CACNA2D1: variants seen among roughly 807,000 people sequenced by gnomAD.
CACNA2D1 encodes voltage-dependent calcium channel subunit alpha-2/delta-1.
A neutral mutation model predicts 171.5 loss-of-function variants in CACNA2D1; 53 were observed. The observed-to-expected ratio is 0.31, with a 90% CI of 0.25 to 0.39. CACNA2D1 has a LOEUF of 0.39. CACNA2D1 is among the 10% of genes least tolerant of loss of function. CACNA2D1 has a pLI of 1.00. For missense variants in CACNA2D1, 903 were observed against 1,299.8 expected (o/e 0.69, Z 4.69); for synonymous variants, 442 against 443.1 (o/e 1.00, Z 0.03).
intron 4 of CACNA2D1, among the ~76,000 whole-genome samples, chr7:82,142,500 A>G (rs148879180): frequency 4.2e-4 from 64 of 152,338 alleles, no homozygotes; most frequent in African/African-American, 5.1e-4. Context: ...ACACATGCAA[A>G]GCTTCCCCAT....
At chr7:82,257,398 A>AT (rs747218396) in intron 3 of CACNA2D1, among the ~76,000 whole-genome samples, 2 of 152,180 alleles carry the variant, frequency 1.3e-5, no homozygotes, top group Non-Finnish European at 2.9e-5. Context: ...CCAATCATCT[A>AT]TTTTCAGGGA....
rs117174333 is a variant in CACNA2D1 at position 82,320,858 on chromosome 7, C to G, written c.294+14277G>C. Among the ~76,000 whole-genome samples, 678 of 151,780 alleles carry G rather than the reference C, an allele frequency of 4.5e-3. 3 individuals carry two copies. Among genetic ancestry groups the G allele is most frequent in the African/African-American group, 0.016 (650 of 41,370 alleles). On this transcript the variant is annotated intron_variant, in intron 3 of 38. Coordinates refer to ENST00000356860, the MANE Select transcript of CACNA2D1 (RefSeq NM_000722.4). ...AAAATAAACTATCAGTAGGAGATAG[C>G]TAAATAAATAATACATTCACAAAAT...
At chr7:82,402,028 TA>T (rs1341930516) in intron 1 of CACNA2D1, among the ~76,000 whole-genome samples, 1 of 152,220 alleles carries the variant, frequency 6.6e-6, no homozygotes, top group Non-Finnish European at 1.5e-5. Context: ...TATCTTTTCC[TA>T]AAAACTATGG....
At chr7:82,146,260 T>C (rs1793032975) in intron 4 of CACNA2D1, among the ~76,000 whole-genome samples, 1 of 151,132 alleles carries the variant, frequency 6.6e-6, no homozygotes, top group Non-Finnish European at 1.5e-5. Context: ...GAAAGAAACA[T>C]TCATGACGTT....
chr7:82,396,534 C>T (rs943633812), intron 1 of CACNA2D1, among the ~76,000 whole-genome samples: 2 of 152,162 alleles, frequency 1.3e-5, no homozygotes, highest in Non-Finnish European at 2.9e-5. Flanking sequence ...TGTGGCTACA[C>T]AATATATGTC....
chr7:82,120,324 T>C (rs1469054228), intron 5 of CACNA2D1, among the ~76,000 whole-genome samples: 1 of 152,180 alleles, frequency 6.6e-6, no homozygotes, highest in East Asian at 1.9e-4. Context: ...TTTTTTGTAG[T>C]TTTTGTACAG....
intron 1 of CACNA2D1, among the ~76,000 whole-genome samples, chr7:82,359,128 G>A (rs551674317): frequency 5.3e-4 from 80 of 152,144 alleles, no homozygotes; most frequent in Non-Finnish European, 9.3e-4. Context: ...GTCCCACGTG[G>A]CCACACAATC....
intron 6 of CACNA2D1, among the ~76,000 whole-genome samples, chr7:82,106,878 T>C (rs1168875245): frequency 1.3e-5 from 2 of 152,184 alleles, no homozygotes; most frequent in Non-Finnish European, 2.9e-5. Context: ...GGCATTGTTC[T>C]CCTAATTAGA....
chr7:81,989,214 G>C (rs1797280792), intron 21 of CACNA2D1, among the ~76,000 whole-genome samples: 1 of 152,214 alleles, frequency 6.6e-6, no homozygotes, highest in Admixed American at 6.5e-5. Flanking sequence ...GGAGAATCTG[G>C]AAGATAAATT....
intron 1 of CACNA2D1, among the ~76,000 whole-genome samples, chr7:82,422,545 T>G (rs1828804187): frequency 6.6e-6 from 1 of 152,112 alleles, no homozygotes; most frequent in African/African-American, 2.4e-5. Flanking sequence ...CAATTCGTTT[T>G]AAGTGACCTA....
In CACNA2D1 at chr7:82,287,994, C is replaced by T. The variant is rs563188622; in HGVS notation, c.294+47141G>A. On this transcript the variant is annotated intron_variant, in intron 3 of 38. Transcript: ENST00000356860. ...TACAGGAGCCCACCACCATGCCCGGCTAATTTTTTTTTTTTTTTTGTATTT... is the reference window on the plus strand; with the variant it reads ...TACAGGAGCCCACCACCATGCCCGGTTAATTTTTTTTTTTTTTTTGTATTT... 1.3e-4 allele frequency among the ~76,000 whole-genome samples: 13 copies of T among 96,544 alleles called. No homozygotes were observed. In the East Asian group the frequency reaches 2.7e-3, roughly 20 times the overall value. The allele number at this position is 96,544 out of a possible 152,430, so 63.3% of individuals were successfully genotyped here.
At chr7:82,207,705 G>C (rs1800152212) in intron 3 of CACNA2D1, among the ~76,000 whole-genome samples, 1 of 152,070 alleles carries the variant, frequency 6.6e-6, no homozygotes, top group South Asian at 2.1e-4. Flanking sequence ...AAAGAAGCTG[G>C]TACTTAGTAG....
intron 6 of CACNA2D1, among the ~76,000 whole-genome samples, chr7:82,089,319 A>G (rs1810854334): frequency 6.6e-6 from 1 of 152,166 alleles, no homozygotes. Context: ...AATTTAGCTA[A>G]TTGTCTTAGA....
At position 82,054,052 on chromosome 7, in the gene CACNA2D1, G is replaced by A. The variant is rs1023315861; in HGVS notation, c.879+6376C>T. On this transcript the variant is annotated intron_variant, in intron 10 of 38. Transcript: ENST00000356860. ...AACAATTTTCTTCAAATAAATACAC[G>A]TTTAACAACATATTTTTTTTAGGAA... Among the ~76,000 whole-genome samples, 36 of 152,228 alleles carry A rather than the reference G, an allele frequency of 2.4e-4. 2 individuals are homozygous for A. The highest frequency in any genetic ancestry group is 2.2e-3 in the Admixed American group (33 of 15,290).
At chr7:82,058,243 G>GT (rs1367307479) in intron 10 of CACNA2D1, among the ~76,000 whole-genome samples, 1 of 152,096 alleles carries the variant, frequency 6.6e-6, no homozygotes, top group Admixed American at 6.6e-5. Flanking sequence ...AAGTAGTAGT[G>GT]TTTCCTGTGA....
At chr7:82,021,365 G>C (rs1181144188) in intron 12 of CACNA2D1, among the ~76,000 whole-genome samples, 6 of 152,036 alleles carry the variant, frequency 3.9e-5, no homozygotes, top group African/African-American at 1.4e-4. Context: ...TATATAAACG[G>C]AAGTGTTCCC....
intron 10 of CACNA2D1, among the ~76,000 whole-genome samples, chr7:82,054,732 C>A (rs2131335236): frequency 6.6e-6 from 1 of 152,214 alleles, no homozygotes; most frequent in South Asian, 2.1e-4. Flanking sequence ...CATACGGCAA[C>A]AAAGACCCTA....
chr7:81,954,230 T>G lies in CACNA2D1; in HGVS notation c.3160-3722A>C, dbSNP rs146049006. Among the ~76,000 whole-genome samples the G allele has an allele frequency of 4.6e-3, 693 of 152,188 alleles. 3 individuals carry two copies. The highest frequency in any genetic ancestry group is 6.8e-3 in the Middle Eastern group (2 of 292). ...TAAATCGGTCTGATTTTTAAATGAT[T>G]ATTTAAGTAGAAAATAACAGATTGG... On this transcript the variant is annotated intron_variant, in intron 38 of 38. Coordinates refer to ENST00000356860, the MANE Select transcript of CACNA2D1 (RefSeq NM_000722.4).
chr7:81,951,284 A>C (rs1186837648), intron 38 of CACNA2D1, among the ~76,000 whole-genome samples: 1 of 152,110 alleles, frequency 6.6e-6, no homozygotes, highest in Non-Finnish European at 1.5e-5. Context: ...TATATTTGAT[A>C]ACATTGTCCA....
Sources: gnomAD v4.1 joint callset for allele counts (sites outside exome capture counted in the v4.1 genomes callset) on GRCh38, gnomAD v4.1.1 for gene constraint, MANE v1.5 for transcripts, NCBI Gene and HGNC (gene_info 2026-07-23, HGNC 2026-07-21) for gene names.